The following PCDH9 variants were observed in gnomAD, a reference collection of about 807,000 sequenced individuals.
PCDH9 encodes the protein protocadherin-9.
In PCDH9, 24 loss-of-function variants were observed where a neutral mutation model predicts 70.6. The observed-to-expected ratio is 0.34, with a 90% CI of 0.25 to 0.48. The LOEUF (loss-of-function observed/expected upper bound fraction) is 0.48, where lower values mean the gene tolerates loss of function less well. Among genes scored for constraint, PCDH9 ranks in the 20% least tolerant of loss-of-function variants. PCDH9 has a pLI of 0.99. For missense variants in PCDH9, 1,281 were observed against 1,503.6 expected, an observed-to-expected ratio of 0.85 and a Z score of 2.45; for synonymous variants, 562 against 558.5, an observed-to-expected ratio of 1.01 and a Z score of -0.09.
At chr13:66,871,166 C>G (rs1322869315) in intron 3 of PCDH9, among the ~76,000 whole-genome samples, 1 of 150,424 alleles carries the variant, frequency 6.6e-6, no homozygotes, top group Admixed American at 6.7e-5. Flanking sequence ...CATATTCTCA[C>G]TCATAGGTGG....
intron 4 of PCDH9, among the ~76,000 whole-genome samples, chr13:66,478,574 C>T (rs1449899933): frequency 6.6e-6 from 1 of 152,138 alleles, no homozygotes; most frequent in African/African-American, 2.4e-5. Context: ...AAAACTGAAA[C>T]AGGCCTATTG....
intron 2 of PCDH9, among the ~76,000 whole-genome samples, chr13:67,200,640 G>T (rs993689288): frequency 5.3e-5 from 8 of 152,070 alleles, no homozygotes; most frequent in Non-Finnish European, 7.4e-5. Context: ...GCACAAAAGG[G>T]TTTAACAGAC....
At chr13:66,717,480 A>ATATATATATAT (rs1215528082) in intron 3 of PCDH9, among the ~76,000 whole-genome samples, 1 of 44,434 alleles carries the variant, frequency 2.3e-5, no homozygotes, top group Non-Finnish European at 3.8e-5. Context: ...AAAAAAAAAA[A>ATATATATATAT]ATATATATAT....
intron 2 of PCDH9, among the ~76,000 whole-genome samples, chr13:66,919,076 C>T (rs1310276231): frequency 1.3e-5 from 2 of 151,246 alleles, no homozygotes; most frequent in East Asian, 3.9e-4. Context: ...CTGTTGGAAA[C>T]ATACTTCACG....
At chr13:66,607,805 GAGGA>G (rs1186459883) in intron 4 of PCDH9, among the ~76,000 whole-genome samples, 1 of 151,984 alleles carries the variant, frequency 6.6e-6, no homozygotes, top group Non-Finnish European at 1.5e-5. Flanking sequence ...GAAAATAACT[GAGGA>G]AGGAAAGAAA....
At chr13:66,332,045 G>A (rs1410087617) in intron 4 of PCDH9, among the ~76,000 whole-genome samples, 3 of 152,128 alleles carry the variant, frequency 2.0e-5, no homozygotes, top group Non-Finnish European at 4.4e-5. Context: ...TCAGGGAGAT[G>A]ACAGCGACTC....
At chr13:66,559,361 G>C (rs1000101701) in intron 4 of PCDH9, among the ~76,000 whole-genome samples, 1 of 152,138 alleles carries the variant, frequency 6.6e-6, no homozygotes, top group African/African-American at 2.4e-5. Flanking sequence ...AAGCCACTGT[G>C]TGTTGGCTTT....
intron 3 of PCDH9, among the ~76,000 whole-genome samples, chr13:66,657,678 AAG>A (rs1449149594): frequency 6.6e-6 from 1 of 152,192 alleles, no homozygotes; most frequent in African/African-American, 2.4e-5. Flanking sequence ...ATTATATTCT[AAG>A]AACTCGTGGA....
intron 3 of PCDH9, among the ~76,000 whole-genome samples, chr13:66,849,501 T>TAGAG (rs1276440716): frequency 7.3e-5 from 6 of 82,704 alleles, no homozygotes; most frequent in Non-Finnish European, 1.2e-4. Context: ...TATATATATA[T>TAGAG]ATATATATAT....
At chr13:66,580,548 G>A (rs2076876876) in intron 4 of PCDH9, among the ~76,000 whole-genome samples, 1 of 151,628 alleles carries the variant, frequency 6.6e-6, no homozygotes, top group South Asian at 2.1e-4. Context: ...CAATGGTATG[G>A]ACATCTTTCT....
At chr13:66,801,080 G>A (rs1218979585) in intron 3 of PCDH9, among the ~76,000 whole-genome samples, 1 of 147,946 alleles carries the variant, frequency 6.8e-6, no homozygotes, top group African/African-American at 2.5e-5. Flanking sequence ...CTGAAACCTC[G>A]AGGAGGGGGA....
intron 2 of PCDH9, among the ~76,000 whole-genome samples, chr13:66,953,593 C>T (rs935737949): frequency 2.6e-5 from 4 of 152,168 alleles, no homozygotes; most frequent in African/African-American, 9.7e-5. Context: ...CCCTTCTCTC[C>T]TGCTTTCCTG....
At chr13:67,162,997 A>C (rs1418457768) in intron 2 of PCDH9, among the ~76,000 whole-genome samples, 2 of 152,182 alleles carry the variant, frequency 1.3e-5, no homozygotes, top group African/African-American at 2.4e-5. Flanking sequence ...CCACATTTAG[A>C]TCATGATGTG....
chr13:66,639,044 ATT>A (rs1331667436), intron 3 of PCDH9, among the ~76,000 whole-genome samples: 1 of 152,170 alleles, frequency 6.6e-6, no homozygotes, highest in East Asian at 1.9e-4. Flanking sequence ...TTCAAAATAA[ATT>A]TTTTGATTCC....
At chr13:66,663,363 A>G (rs2078045314) in intron 3 of PCDH9, among the ~76,000 whole-genome samples, 2 of 152,238 alleles carry the variant, frequency 1.3e-5, no homozygotes, top group Admixed American at 1.3e-4. Context: ...AAACCTGGGC[A>G]GAACCTGACA....
intron 2 of PCDH9, among the ~76,000 whole-genome samples, chr13:67,111,299 T>G (rs563996309): frequency 6.6e-6 from 1 of 152,322 alleles, no homozygotes; most frequent in Non-Finnish European, 1.5e-5. Context: ...GTCGTTATCA[T>G]TCTGAGATAT....
intron 3 of PCDH9, among the ~76,000 whole-genome samples, chr13:66,774,710 T>C (rs2139282332): frequency 6.6e-6 from 1 of 152,308 alleles, no homozygotes. Context: ...ATTGTTATTA[T>C]CACCTAAGCA....
chr13:67,054,392 C>A (rs1217804633), intron 2 of PCDH9, among the ~76,000 whole-genome samples: 2 of 152,122 alleles, frequency 1.3e-5, no homozygotes, highest in Non-Finnish European at 1.5e-5. Context: ...AATGTGTGAG[C>A]TTTTGTACAC....
chr13:67,079,936 T>G (rs1011085505), intron 2 of PCDH9, among the ~76,000 whole-genome samples: 5 of 152,198 alleles, frequency 3.3e-5, no homozygotes, highest in African/African-American at 1.2e-4. Flanking sequence ...AACTAAAGAA[T>G]GCCTAAAACC....
Sources: gnomAD v4.1 joint callset for allele counts (sites outside exome capture counted in the v4.1 genomes callset) on GRCh38, gnomAD v4.1.1 for gene constraint, MANE v1.5 for transcripts, NCBI Gene and HGNC (gene_info 2026-07-23, HGNC 2026-07-21) for gene names.